EIF2S3: variants seen among roughly 807,000 people sequenced by gnomAD.
EIF2S3 encodes the protein eukaryotic translation initiation factor 2 subunit gamma, also known as eukaryotic translation initiation factor 2 subunit 3.
In EIF2S3, 2 loss-of-function variants were observed where a neutral mutation model predicts 31.7. That is an observed-to-expected ratio of 0.06 (90% CI 0.03 to 0.20). The LOEUF (loss-of-function observed/expected upper bound fraction) is 0.20. Ranked by LOEUF, EIF2S3 falls within the 10% of genes least tolerant of loss-of-function variation. The probability of loss-of-function intolerance (pLI) is 1.00; values close to 1 mark genes in which losing one functional copy is unlikely to be tolerated. For missense variants in EIF2S3, 96 were observed against 359.3 expected (o/e 0.27, Z 5.92); for synonymous variants, 120 against 126.7 (o/e 0.95, Z 0.36).
At chrX:24,056,489 T>C (rs747348762) in intron 2 of EIF2S3, among the ~76,000 whole-genome samples, 1 of 112,332 alleles carries the variant, frequency 8.9e-6, no homozygotes, top group Non-Finnish European at 1.9e-5. Context: ...TTTCCTTGTT[T>C]GTTCACAGAT....
Position 24,076,858 on chromosome X carries a change from T to G in EIF2S3, c.*73T>G. On this transcript the variant is annotated 3_prime_UTR_variant, in exon 12 of 12. Coordinates refer to ENST00000253039, the MANE Select transcript of EIF2S3 (RefSeq NM_001415.4). The stretch of plus-strand genomic sequence containing the variant: ...TCCTCTTAACAACCAAGGGGTTTAT[T>G]TTCAAAGCAATATTGGGGAATTGAT... The G allele has an allele frequency of 1.0e-6, 1 of 958,397 alleles. No individual in the cohort carries two copies. Among genetic ancestry groups the G allele is most frequent in the South Asian group, 2.3e-5 (1 of 42,810 alleles). 79.0% of individuals were successfully genotyped at this position (958,397 alleles called of 1,213,427 possible).
At chrX:24,063,775 C>CA (rs769921686) in intron 6 of EIF2S3, among the ~76,000 whole-genome samples, 27 of 100,839 alleles carry the variant, frequency 2.7e-4, no homozygotes, top group East Asian at 1.5e-3. Flanking sequence ...ACCCTATCTC[C>CA]AAAAAAAAAA....
chrX:24,055,487 G>A, intron 1 of EIF2S3, 128 bp from the exon 2 acceptor site: 4 of 646,154 alleles, frequency 6.2e-6, no homozygotes, highest in Non-Finnish European at 9.9e-6. Flanking sequence ...TTACTGATAG[G>A]GAAAAGGAGC....
At chrX:24,061,124 G>A (rs1453349691) in intron 5 of EIF2S3, among the ~76,000 whole-genome samples, 1 of 107,152 alleles carries the variant, frequency 9.3e-6, no homozygotes, top group Non-Finnish European at 1.9e-5. Flanking sequence ...AGGCTTGGTG[G>A]TGCGTGCCTG....
intron 4 of EIF2S3, among the ~76,000 whole-genome samples, chrX:24,058,538 T>TTTC (rs1930440623): frequency 1.3e-5 from 1 of 75,514 alleles, no homozygotes; most frequent in Non-Finnish European, 2.2e-5. Context: ...TTTTCTTTCT[T>TTTC]TTTTTTTTTT....
chrX:24,076,907 G>T lies in EIF2S3; in HGVS notation c.*122G>T. The T allele has an allele frequency of 2.7e-6, 1 of 368,168 alleles. No individual in the cohort carries two copies. Among genetic ancestry groups the T allele is most frequent in the Non-Finnish European group, 4.4e-6 (1 of 229,728 alleles). The allele number at this position is 368,168 out of a possible 1,213,427, so 30.3% of individuals were successfully genotyped here. On this transcript the variant is annotated 3_prime_UTR_variant, in exon 12 of 12. Coordinates refer to ENST00000253039, the MANE Select transcript of EIF2S3 (RefSeq NM_001415.4). ...ATTTCACAGTTCGTTACCTTAGTAG[G>T]TAACGGTAAGGTTATTCTCTTTTTT...
intron 11 of EIF2S3, among the ~76,000 whole-genome samples, chrX:24,073,776 T>C (rs1930709390): frequency 8.9e-6 from 1 of 112,245 alleles, no homozygotes; most frequent in Non-Finnish European, 1.9e-5. Flanking sequence ...ACACAACCTA[T>C]GCAAAACCAA....
chrX:24,058,735 A>G (rs1242180329), intron 4 of EIF2S3, among the ~76,000 whole-genome samples: 1 of 105,141 alleles, frequency 9.5e-6, no homozygotes, highest in African/African-American at 3.5e-5. Context: ...TATTTTTGAG[A>G]CGGAGTCTTT....
At chrX:24,071,868 G>A (rs1930674869) in intron 10 of EIF2S3, 141 bp downstream of exon 10, 2 of 685,695 alleles carry the variant, frequency 2.9e-6, no homozygotes, top group Non-Finnish European at 2.1e-6. Context: ...CCCCAAAATT[G>A]AGGGTTTTTT....
intron 11 of EIF2S3, among the ~76,000 whole-genome samples, chrX:24,073,832 A>G (rs1930710090): frequency 1.8e-5 from 2 of 112,415 alleles, no homozygotes; most frequent in Non-Finnish European, 3.8e-5. Flanking sequence ...TTTGGAAATC[A>G]TTTCACACTT....
At chrX:24,074,862 CTTTTTTTTTTTTT>C (rs758813480) in intron 11 of EIF2S3, among the ~76,000 whole-genome samples, 1 of 47,474 alleles carries the variant, frequency 2.1e-5, no homozygotes, top group African/African-American at 9.6e-5. Context: ...TTTTCTTCTT[CTTTTTTTTTTTTT>C]TTTTTTTTGA....
chrX:24,060,567 A>G (rs1335341768), intron 5 of EIF2S3: 1 of 179,405 alleles, frequency 5.6e-6, no homozygotes, highest in African/African-American at 3.0e-5. Flanking sequence ...ACAAATATTC[A>G]TAATACGTGC....
At position 24,073,322 on chromosome X, in the gene EIF2S3, A is replaced by T; in HGVS notation, c.1355+59A>T. 2.6e-6 allele frequency: 3 copies of T among 1,139,279 alleles called. No homozygotes were observed. The South Asian group carries it at 6.0e-5, about 23-fold the overall frequency. The allele number at this position is 1,139,279 out of a possible 1,213,427, so 93.9% of individuals were successfully genotyped here. A position where few individuals can be genotyped will look rare whatever the true frequency, so the allele number is the denominator to read the frequency against. Reference sequence around the variant, plus strand: ...AAAAAAGACACAGTCTTGTACAGAAAAAAAAGCACACAATCTTCCTTGAGG... The same window carrying T: ...AAAAAAGACACAGTCTTGTACAGAATAAAAAGCACACAATCTTCCTTGAGG... On this transcript the variant is annotated intron_variant, in intron 11 of 11. Transcript: ENST00000253039.
intron 1 of EIF2S3, 105 bp downstream of exon 1, chrX:24,055,142 CCTGGGTCAGGAGG>C (rs2147124219): frequency 1.0e-6 from 1 of 957,154 alleles, no homozygotes; most frequent in East Asian, 3.2e-5. Context: ...GGGTCAGGAG[CCTGGGTCAGGAGG>C]GAGACCTGGA....
rs745585813 is a variant in EIF2S3 at position 24,072,832 on chromosome X, T to C, written c.1183-259T>C. On this transcript the variant is annotated intron_variant, in intron 10 of 11. Transcript: ENST00000253039. ...TTTGGGAAATTTTGTACCTCATTTG[T>C]ACTAGGTAACTGCTTCAGAATTTTA... 2.7e-5 allele frequency among the ~76,000 whole-genome samples: 3 copies of C among 111,700 alleles called. No individual in the cohort carries two copies. The South Asian group carries it at 1.1e-3, about 41-fold the overall frequency.
Position 24,070,192 on chromosome X carries a change from C to CA in EIF2S3, c.1013-1351dup, listed in dbSNP as rs754310000. ...AAAAACCCTGTCTCTACTAAAAATA[C>CA]AAAAAAAAAAAAAAATTTAGTCAGG... On this transcript the variant is annotated intron_variant, in intron 9 of 11. Coordinates refer to ENST00000253039, the MANE Select transcript of EIF2S3 (RefSeq NM_001415.4). Among the ~76,000 whole-genome samples, 723 of 74,678 alleles carry CA rather than the reference C, an allele frequency of 9.7e-3. 6 individuals are homozygous for CA. The highest frequency in any genetic ancestry group is 0.031 in the African/African-American group (635 of 20,285). 64.8% of individuals were successfully genotyped at this position (74,678 alleles called of 115,157 possible).
At chrX:24,062,646 A>C (rs752854981) in intron 6 of EIF2S3, 72 bp downstream of exon 6, 1 of 1,079,761 alleles carries the variant, frequency 9.3e-7, no homozygotes, top group Non-Finnish European at 1.3e-6. Context: ...CCAGATGTTA[A>C]ATTAACTTTT....
intron 10 of EIF2S3, among the ~76,000 whole-genome samples, chrX:24,072,886 A>G (rs1569280493): frequency 8.9e-6 from 1 of 111,746 alleles, no homozygotes; most frequent in African/African-American, 3.2e-5. Context: ...TTACTACCCT[A>G]TTTTTTAAAG....
intron 5 of EIF2S3, among the ~76,000 whole-genome samples, chrX:24,060,670 T>A (rs1930476136): frequency 9.1e-6 from 1 of 110,488 alleles, no homozygotes; most frequent in East Asian, 2.8e-4. Flanking sequence ...GGGGTAAAAT[T>A]TTTTAAAAGC....
Sources: gnomAD v4.1 joint callset for allele counts (sites outside exome capture counted in the v4.1 genomes callset) on GRCh38, gnomAD v4.1.1 for gene constraint, MANE v1.5 for transcripts, NCBI Gene and HGNC (gene_info 2026-07-23, HGNC 2026-07-21) for gene names.